PABPC4L: variants seen among roughly 807,000 people sequenced by gnomAD.
PABPC4L encodes the protein poly(A) binding protein cytoplasmic 4 like.
For missense variants in PABPC4L, 452 were observed against 451.4 expected (o/e 1.00, Z -0.01); for synonymous variants, 169 against 164.1 (o/e 1.03, Z -0.23).
At chr4:134,076,325 G>A in the PABPC4L span, among the ~76,000 whole-genome samples, 3 of 152,130 alleles carry the variant, frequency 2.0e-5, 1 homozygote, top group South Asian at 6.2e-4. Flanking sequence ...ACTAAAGTAG[G>A]AAGTGTGGGA....
At chr4:134,041,454 AT>A in the PABPC4L span, among the ~76,000 whole-genome samples, 3 of 152,076 alleles carry the variant, frequency 2.0e-5, no homozygotes, top group Admixed American at 6.6e-5. Flanking sequence ...GGAAACCATA[AT>A]TCTCAGCAAA....
At chr4:133,980,075 C>T in the PABPC4L span, among the ~76,000 whole-genome samples, 1 of 152,116 alleles carries the variant, frequency 6.6e-6, no homozygotes, top group Non-Finnish European at 1.5e-5. Context: ...GCCTTCTCCA[C>T]CCCATCTCCT....
chr4:134,194,537 C>T (rs187953610), downstream of PABPC4L, among the ~76,000 whole-genome samples: 18 of 151,922 alleles, frequency 1.2e-4, no homozygotes, highest in East Asian at 2.9e-3. Flanking sequence ...AAGAACATCA[C>T]ATAAACAGAA....
At chr4:133,968,453 T>C in the PABPC4L span, among the ~76,000 whole-genome samples, 4 of 152,164 alleles carry the variant, frequency 2.6e-5, no homozygotes, top group African/African-American at 9.7e-5. Context: ...ATCCATTGTC[T>C]AGGACGTCTT....
chr4:134,066,025 G>C, the PABPC4L span, among the ~76,000 whole-genome samples: 11 of 152,176 alleles, frequency 7.2e-5, no homozygotes, highest in East Asian at 1.9e-3. Context: ...AGTATAATTT[G>C]AAGTTGGGTA....
the PABPC4L span, among the ~76,000 whole-genome samples, chr4:134,146,874 T>C: frequency 3.9e-5 from 6 of 152,038 alleles, no homozygotes; most frequent in Admixed American, 2.6e-4. Flanking sequence ...CTCACTCAAG[T>C]CATGGACTGT....
At chr4:134,142,502 G>A in the PABPC4L span, among the ~76,000 whole-genome samples, 2 of 151,638 alleles carry the variant, frequency 1.3e-5, no homozygotes, top group African/African-American at 4.8e-5. Context: ...TGTAAAAATA[G>A]CACAACTAAA....
At chr4:134,193,546 G>C (rs1729572163), downstream of PABPC4L, among the ~76,000 whole-genome samples, 1 of 151,798 alleles carries the variant, frequency 6.6e-6, no homozygotes, top group Non-Finnish European at 1.5e-5. Flanking sequence ...CCTGTCTCTT[G>C]AAAGAAAGAA....
At chr4:133,999,517 A>G in the PABPC4L span, among the ~76,000 whole-genome samples, 1 of 152,124 alleles carries the variant, frequency 6.6e-6, no homozygotes, top group Non-Finnish European at 1.5e-5. Flanking sequence ...AATGTTTCAC[A>G]TATCTAGGTA....
At chr4:134,132,939 A>G in the PABPC4L span, among the ~76,000 whole-genome samples, 1 of 145,422 alleles carries the variant, frequency 6.9e-6, no homozygotes, top group Non-Finnish European at 1.5e-5. Context: ...TATACATTAT[A>G]TAAACATTAT....
the PABPC4L span, among the ~76,000 whole-genome samples, chr4:134,000,500 A>G: frequency 3.3e-5 from 5 of 152,134 alleles, no homozygotes; most frequent in Non-Finnish European, 7.4e-5. Context: ...AATCTAACCT[A>G]AAAAATTGGT....
chr4:133,948,802 T>C, the PABPC4L span, among the ~76,000 whole-genome samples: 1 of 151,326 alleles, frequency 6.6e-6, no homozygotes, highest in Admixed American at 6.6e-5. Context: ...ATTTGACCCA[T>C]TGAACCCAAC....
At chr4:134,090,984 T>C in the PABPC4L span, among the ~76,000 whole-genome samples, 4 of 152,194 alleles carry the variant, frequency 2.6e-5, no homozygotes, top group African/African-American at 7.2e-5. Context: ...TTTACATGCT[T>C]ATTTTCTCAT....
the PABPC4L span, among the ~76,000 whole-genome samples, chr4:134,129,925 C>A: frequency 3.3e-5 from 5 of 151,664 alleles, no homozygotes; most frequent in Admixed American, 1.3e-4. Context: ...ATTAGCCAGG[C>A]GTGGTGGTGT....
the PABPC4L span, among the ~76,000 whole-genome samples, chr4:134,039,645 C>G: frequency 2.9e-3 from 435 of 151,930 alleles, 4 homozygotes; most frequent in African/African-American, 9.9e-3. Flanking sequence ...GATTGCAAGC[C>G]CTGCTTTTTT....
the PABPC4L span, among the ~76,000 whole-genome samples, chr4:134,015,586 T>G: frequency 6.6e-6 from 1 of 152,254 alleles, no homozygotes; most frequent in South Asian, 2.1e-4. Flanking sequence ...CATCCTCATC[T>G]GTTACCTATC....
chr4:134,120,893 T>C, the PABPC4L span, among the ~76,000 whole-genome samples: 1 of 151,334 alleles, frequency 6.6e-6, no homozygotes. Context: ...AAATATATAT[T>C]TTTTAAATTG....
rs1348296909 is a variant in PABPC4L, at chr4:134,199,912, G to A, written c.1108C>T (p.His370Tyr). ...GAAAGGTACGTTTTTCTTTCCTAGT[G>A]TCTCTGGGCCAAGGCAATGCTAAGA... ...KPLSIALAQR[H>Y] is the part of the protein sequence containing the mutation. Residue 370 changes from histidine (H) to tyrosine (Y), a missense_variant, in exon 2 of 2, where the codon CAC becomes TAC. By Grantham distance (83) the His-to-Tyr change is moderately conservative. Coordinates refer to ENST00000421491, the MANE Select transcript of PABPC4L (RefSeq NM_001114734.2). The A allele has an allele frequency of 5.2e-6, 8 of 1,551,140 alleles. No homozygotes were observed. The East Asian group carries it at 1.2e-4, about 24-fold the overall frequency.
chr4:134,134,166 C>A, the PABPC4L span, among the ~76,000 whole-genome samples: 1 of 151,750 alleles, frequency 6.6e-6, no homozygotes, highest in Admixed American at 6.6e-5. Flanking sequence ...ATATTCCTTC[C>A]CTTGAATCAT....
Sources: allele counts gnomAD v4.1 joint callset (sites outside exome capture counted in the v4.1 genomes callset), GRCh38; gene constraint gnomAD v4.1.1; transcripts MANE v1.5; gene names NCBI Gene and HGNC (gene_info 2026-07-23, HGNC 2026-07-21).